Variants in FIP1L1 observed in about 807,000 individuals in gnomAD.
The protein encoded by FIP1L1 is pre-mRNA 3'-end-processing factor FIP1.
Under a neutral mutation model 84.6 loss-of-function variants are expected in FIP1L1, and 21 were observed. The ratio of observed to expected loss-of-function variants is 0.25; its 90% CI spans 0.18 to 0.36. The LOEUF (loss-of-function observed/expected upper bound fraction) is 0.36. Among genes scored for constraint, FIP1L1 ranks in the 10% least tolerant of loss-of-function variants. The pLI is 1.00. For synonymous variants in FIP1L1, 263 were observed against 242.3 expected, an observed-to-expected ratio of 1.09 and a Z score of -0.80; for missense variants, 526 against 751.1, an observed-to-expected ratio of 0.70 and a Z score of 3.50.
intron 15 of FIP1L1, among the ~76,000 whole-genome samples, chr4:53,448,314 CTAGA>C (rs532854016): frequency 2.7e-3 from 413 of 152,096 alleles, no homozygotes; most frequent in Non-Finnish European, 5.0e-3. Flanking sequence ...TTTGGGCTTT[CTAGA>C]TATTCAGTTG....
intron 3 of FIP1L1, among the ~76,000 whole-genome samples, chr4:53,380,946 C>A (rs1737529925): frequency 6.6e-6 from 1 of 152,096 alleles, no homozygotes; most frequent in African/African-American, 2.4e-5. Flanking sequence ...AGCTTACTTT[C>A]TAATCAAACA....
chr4:53,422,039 T>G (rs949702070), intron 11 of FIP1L1, among the ~76,000 whole-genome samples: 4 of 152,082 alleles, frequency 2.6e-5, no homozygotes, highest in Non-Finnish European at 5.9e-5. Context: ...TTGGGCATTG[T>G]TGTGCTTCAC....
intron 16 of FIP1L1, among the ~76,000 whole-genome samples, chr4:53,456,482 C>A (rs546079483): frequency 6.6e-6 from 1 of 152,012 alleles, no homozygotes; most frequent in Non-Finnish European, 1.5e-5. Flanking sequence ...TGAATTATCC[C>A]AGGAAAAAAT....
chr4:53,406,676 A>G (rs1753687746), intron 10 of FIP1L1, among the ~76,000 whole-genome samples: 1 of 152,144 alleles, frequency 6.6e-6, no homozygotes. Flanking sequence ...GATTATTGCC[A>G]CAATTTCAGA....
intron 9 of FIP1L1, among the ~76,000 whole-genome samples, chr4:53,398,875 G>A (rs114324547): frequency 0.029 from 4,394 of 152,188 alleles, 103 homozygotes; most frequent in Non-Finnish European, 0.043. Context: ...GAGAAGGCTG[G>A]GCCTGGTGGC....
chr4:53,444,011 T>C, intron 14 of FIP1L1, 37 bp from the exon 15 acceptor site: 1 of 1,475,696 alleles, frequency 6.8e-7, no homozygotes, highest in Non-Finnish European at 9.4e-7. Context: ...AGAACTTATT[T>C]GTACCAGACA....
chr4:53,401,500 T>C (rs1240968929), intron 10 of FIP1L1, among the ~76,000 whole-genome samples: 6 of 152,204 alleles, frequency 3.9e-5, no homozygotes, highest in Admixed American at 6.5e-5. Flanking sequence ...GCAGCAATTA[T>C]CTAGGCAAGA....
chr4:53,437,730 T>C (rs1273203294), intron 13 of FIP1L1, among the ~76,000 whole-genome samples: 2 of 150,786 alleles, frequency 1.3e-5, no homozygotes, highest in African/African-American at 4.9e-5. Flanking sequence ...TTTATTATTT[T>C]ATTTTATTTT....
Position 53,452,921 on chromosome 4 carries a change from T to C in FIP1L1, c.1287T>C (p.Val429=). The part of the protein sequence containing the change: ...RSARAFPYGN[V]AFPHLPGSAP... ...TTTTTAATCGTGTTTTTTCTTTAGT[T>C]GCCTTTCCCCATCTTCCTGGTTCTG... Residue 429 remains valine (V), a splice_region_variant and synonymous_variant, in exon 16 of 18, where the codon GTT becomes GTC. Coordinates refer to ENST00000337488, the MANE Select transcript of FIP1L1 (RefSeq NM_030917.4). 1 of 1,612,242 alleles carries C rather than the reference T, an allele frequency of 6.2e-7. No homozygotes were observed. Among genetic ancestry groups the C allele is most frequent in the South Asian group, 1.1e-5 (1 of 90,988 alleles).
chr4:53,458,886 C>G lies in FIP1L1; in HGVS notation c.1637+96C>G. ...AAGAGGGGAAATTTTGGCCTATGAA[C>G]CAGTCTTGCTTGGTTTCATTAAAGA... On this transcript the variant is annotated intron_variant, in intron 17 of 17. Coordinates refer to ENST00000337488, the MANE Select transcript of FIP1L1 (RefSeq NM_030917.4). The G allele has an allele frequency of 5.8e-6, 8 of 1,376,150 alleles. No homozygotes were observed. The South Asian group carries it at 1.2e-4, about 21-fold the overall frequency. 85.2% of individuals were successfully genotyped at this position (1,376,150 alleles called of 1,614,324 possible).
intron 5 of FIP1L1, among the ~76,000 whole-genome samples, chr4:53,386,918 G>T (rs1741397964): frequency 6.6e-6 from 1 of 152,146 alleles, no homozygotes; most frequent in Non-Finnish European, 1.5e-5. Context: ...TGATAAAGGG[G>T]CTTTACTGGC....
At chr4:53,432,704 A>G (rs1767321634) in intron 13 of FIP1L1, among the ~76,000 whole-genome samples, 1 of 152,176 alleles carries the variant, frequency 6.6e-6, no homozygotes, top group Non-Finnish European at 1.5e-5. Context: ...TGCACTGAGG[A>G]AGCGGGGACC....
At chr4:53,438,184 G>A (rs976681137) in intron 13 of FIP1L1, among the ~76,000 whole-genome samples, 4 of 152,018 alleles carry the variant, frequency 2.6e-5, no homozygotes, top group African/African-American at 7.2e-5. Flanking sequence ...TTCAGATAAA[G>A]GATATAGAAA....
At chr4:53,448,106 C>A (rs1774971388) in intron 15 of FIP1L1, among the ~76,000 whole-genome samples, 1 of 152,006 alleles carries the variant, frequency 6.6e-6, no homozygotes, top group South Asian at 2.1e-4. Flanking sequence ...TAAAGATATT[C>A]TTTAATACTT....
intron 15 of FIP1L1, among the ~76,000 whole-genome samples, chr4:53,446,540 G>A (rs1774267171): frequency 6.6e-6 from 1 of 152,078 alleles, no homozygotes; most frequent in South Asian, 2.1e-4. Flanking sequence ...TCTCATGTTA[G>A]TAGCTTTGAA....
At chr4:53,385,847 A>G (rs1000011605) in intron 5 of FIP1L1, among the ~76,000 whole-genome samples, 8 of 152,140 alleles carry the variant, frequency 5.3e-5, no homozygotes, top group South Asian at 2.1e-4. Flanking sequence ...AAGTACAGGC[A>G]TTTGTGAAGA....
chr4:53,406,425 G>C (rs1444821402), intron 10 of FIP1L1, among the ~76,000 whole-genome samples: 3 of 152,150 alleles, frequency 2.0e-5, no homozygotes, highest in Non-Finnish European at 4.4e-5. Flanking sequence ...ATGTTACTGA[G>C]GATTTTTGCG....
rs562735228 is a variant in FIP1L1 at position 53,450,090 on chromosome 4, C to T, written c.1286-2830C>T. ...GTACTTGATTTCCATTCTTTGTTAT[C>T]CCTTTTTTTGTTGGATTATTCTGTT... On this transcript the variant is annotated intron_variant, in intron 15 of 17. Transcript: ENST00000337488. Among the ~76,000 whole-genome samples, 25 of 151,976 alleles carry T rather than the reference C, an allele frequency of 1.6e-4. No homozygotes were observed. In the South Asian group the frequency reaches 3.5e-3, roughly 21 times the overall value.
chr4:53,398,525 T>C (rs1443598099), intron 9 of FIP1L1, among the ~76,000 whole-genome samples: 1 of 152,220 alleles, frequency 6.6e-6, no homozygotes, highest in African/African-American at 2.4e-5. Context: ...AGTCAAAATG[T>C]CTTGAGATTC....
Sources: gnomAD v4.1 joint callset for allele counts (sites outside exome capture counted in the v4.1 genomes callset) on GRCh38, gnomAD v4.1.1 for gene constraint, MANE v1.5 for transcripts, NCBI Gene and HGNC (gene_info 2026-07-23, HGNC 2026-07-21) for gene names.